ADAMTS9: variants seen among roughly 807,000 people sequenced by gnomAD.
ADAMTS9 encodes ADAM metallopeptidase with thrombospondin type 1 motif 9.
Under a neutral mutation model 257.1 loss-of-function variants are expected in ADAMTS9, and 107 were observed. The ratio of observed to expected loss-of-function variants is 0.42; its 90% CI spans 0.36 to 0.49. The LOEUF is 0.49. Among genes scored for constraint, ADAMTS9 ranks in the 20% least tolerant of loss-of-function variants. The pLI is 0.03. For missense variants in ADAMTS9, 2,353 were observed against 2,469.1 expected (o/e 0.95, Z 1.00); for synonymous variants, 982 against 880.9 (o/e 1.11, Z -2.03).
At chr3:64,669,443 C>T (rs903990440) in intron 3 of ADAMTS9, among the ~76,000 whole-genome samples, 2 of 152,146 alleles carry the variant, frequency 1.3e-5, no homozygotes, top group African/African-American at 4.8e-5. Flanking sequence ...TCAATTTTGC[C>T]ATTCATTCTA....
chr3:64,677,089 C>CTTGCTT (rs1232270802), intron 3 of ADAMTS9, among the ~76,000 whole-genome samples: 1 of 152,150 alleles, frequency 6.6e-6, no homozygotes, highest in Non-Finnish European at 1.5e-5. Flanking sequence ...CAGGAAGTGG[C>CTTGCTT]TTATAAAAGC....
chr3:64,644,252 C>A (rs561011085), intron 11 of ADAMTS9, among the ~76,000 whole-genome samples: 6 of 152,126 alleles, frequency 3.9e-5, no homozygotes, highest in African/African-American at 1.4e-4. Flanking sequence ...TTATTACTTC[C>A]ATTTTTACGA....
At chr3:64,541,435 C>G (rs748473195) in intron 34 of ADAMTS9, 21 bp from the exon 35 acceptor site, 1 of 1,613,080 alleles carries the variant, frequency 6.2e-7, no homozygotes, top group South Asian at 1.1e-5. Flanking sequence ...ATAAATAACC[C>G]ATGAAGAGTG....
Position 64,622,471 on chromosome 3 carries a change from G to A in ADAMTS9, c.2505C>T (p.Ala835=), listed in dbSNP as rs142920929. 680 of 1,613,992 alleles carry A rather than the reference G, an allele frequency of 4.2e-4. 1 individual carries two copies. The African/African-American group carries it at 7.0e-3, about 17-fold the overall frequency. Residue 835 remains alanine (A), a synonymous_variant, in exon 17 of 40, where the codon GCC becomes GCT. Coordinates refer to ENST00000498707, the MANE Select transcript of ADAMTS9 (RefSeq NM_182920.2). Reference sequence around the variant, plus strand: ...GATCTGTTGAGTTAATTCTTTCTACGGCAGTCTCGGACCCACTGTACTCTA... The same window carrying A: ...GATCTGTTGAGTTAATTCTTTCTACAGCAGTCTCGGACCCACTGTACTCTA... ...AVVEYSGSET[A]VERINSTDRI...
At chr3:64,660,962 A>G (rs1175826672) in intron 3 of ADAMTS9, among the ~76,000 whole-genome samples, 3 of 152,186 alleles carry the variant, frequency 2.0e-5, no homozygotes, top group Non-Finnish European at 4.4e-5. Flanking sequence ...TACAGTGCGC[A>G]ATCAGTTTAT....
chr3:64,616,259 T>C (rs774067049), intron 19 of ADAMTS9, 89 bp from the exon 20 acceptor site: 115 of 1,381,428 alleles, frequency 8.3e-5, no homozygotes, highest in African/African-American at 1.6e-4. Flanking sequence ...AAGAGTTGAG[T>C]TCTTTTTTCT....
Position 64,679,201 on chromosome 3 carries a change from T to C in ADAMTS9, c.679+2000A>G, listed in dbSNP as rs150127706. 1.5e-3 allele frequency among the ~76,000 whole-genome samples: 232 copies of C among 152,346 alleles called. 4 individuals carry two copies. In the South Asian group the frequency reaches 0.028, roughly 18 times the overall value. ...TCCAGCCCAGGAAATCAAATGTCCA[T>C]TAACTTGCATAATTAATATTTTAAA... is the stretch of plus-strand genomic sequence containing the variant. On this transcript the variant is annotated intron_variant, in intron 3 of 39. Transcript: ENST00000498707.
chr3:64,604,102 G>A lies in ADAMTS9; in HGVS notation c.3580-13C>T. ...AAGTGGCTGAGCACTGGGTGTTGGA[G>A]TAAAATCATGCAGTTATATTACGTG... On this transcript the variant is annotated splice_polypyrimidine_tract_variant and intron_variant, in intron 24 of 39. Transcript: ENST00000498707. 4 of 1,613,744 alleles carry A rather than the reference G, an allele frequency of 2.5e-6. No homozygotes were observed. The highest frequency in any genetic ancestry group is 1.1e-5 in the South Asian group (1 of 91,002).
At chr3:64,591,689 A>C (rs1333187086) in intron 28 of ADAMTS9, among the ~76,000 whole-genome samples, 6 of 152,130 alleles carry the variant, frequency 3.9e-5, no homozygotes. Flanking sequence ...TTTCTTTCCT[A>C]AATACTGCTC....
chr3:64,678,353 A>G (rs1006367500), intron 3 of ADAMTS9, among the ~76,000 whole-genome samples: 4 of 152,264 alleles, frequency 2.6e-5, no homozygotes, highest in Non-Finnish European at 4.4e-5. Flanking sequence ...TCAAGTCCAC[A>G]GCAATGCCAA....
intron 38 of ADAMTS9, among the ~76,000 whole-genome samples, chr3:64,529,897 C>A (rs935771694): frequency 6.6e-6 from 1 of 151,910 alleles, no homozygotes; most frequent in Non-Finnish European, 1.5e-5. Flanking sequence ...TGGCTCATTG[C>A]AGCCTTGACC....
At chr3:64,589,729 G>A (rs1182542003) in intron 28 of ADAMTS9, 6 of 152,158 alleles carry the variant, frequency 3.9e-5, no homozygotes, top group African/African-American at 7.2e-5. Context: ...GGCTCAGGAG[G>A]AGGATGAGGT....
intron 26 of ADAMTS9, among the ~76,000 whole-genome samples, chr3:64,599,681 T>C (rs1347565694): frequency 6.6e-6 from 1 of 152,200 alleles, no homozygotes; most frequent in African/African-American, 2.4e-5. Context: ...AAGAGATTCA[T>C]TAAGACAGAA....
At chr3:64,582,603 T>A (rs2084035118) in intron 28 of ADAMTS9, 1 of 152,154 alleles carries the variant, frequency 6.6e-6, no homozygotes, top group Non-Finnish European at 1.5e-5. Context: ...CCAGGGAACA[T>A]TTGGCAACGT....
intron 27 of ADAMTS9, 101 bp downstream of exon 27, chr3:64,596,729 T>C: frequency 7.0e-7 from 1 of 1,422,792 alleles, no homozygotes. Flanking sequence ...CAGAAGCTTC[T>C]ACTAGAGCTA....
At chr3:64,519,582 C>T (rs931524363) in intron 39 of ADAMTS9, among the ~76,000 whole-genome samples, 3 of 152,074 alleles carry the variant, frequency 2.0e-5, no homozygotes, top group Non-Finnish European at 2.9e-5. Flanking sequence ...CAGCAACATA[C>T]CAAAAAGATA....
At chr3:64,584,846 CTT>C (rs1293483449) in intron 28 of ADAMTS9, among the ~76,000 whole-genome samples, 1 of 152,084 alleles carries the variant, frequency 6.6e-6, no homozygotes, top group Admixed American at 6.6e-5. Context: ...CTCTAAAACT[CTT>C]TTTTCCTCAA....
At chr3:64,593,346 C>A (rs1201059918) in intron 28 of ADAMTS9, among the ~76,000 whole-genome samples, 1 of 152,158 alleles carries the variant, frequency 6.6e-6, no homozygotes, top group East Asian at 1.9e-4. Flanking sequence ...CTTCTGAGAA[C>A]CATACTGGGT....
intron 28 of ADAMTS9, among the ~76,000 whole-genome samples, chr3:64,580,600 C>T (rs1476220441): frequency 6.6e-6 from 1 of 152,134 alleles, no homozygotes; most frequent in Non-Finnish European, 1.5e-5. Context: ...GAAACTGATC[C>T]ATTTCAAAGC....
Sources: gnomAD v4.1 joint callset for allele counts (sites outside exome capture counted in the v4.1 genomes callset) on GRCh38, gnomAD v4.1.1 for gene constraint, MANE v1.5 for transcripts, NCBI Gene and HGNC (gene_info 2026-07-23, HGNC 2026-07-21) for gene names.